Variants in PRKN observed in about 807,000 individuals in gnomAD.
The protein encoded by PRKN is E3 ubiquitin-protein ligase parkin.
In PRKN, 56 loss-of-function variants were observed where a neutral mutation model predicts 59.5. The ratio of observed to expected loss-of-function variants is 0.94; its 90% CI spans 0.76 to 1.18. The LOEUF is 1.18. PRKN is among the 50% of genes most tolerant of loss of function. PRKN has a pLI of 0.00. For missense variants in PRKN, 657 were observed against 596.4 expected, an observed-to-expected ratio of 1.10 and a Z score of -1.06; for synonymous variants, 250 against 222.1, an observed-to-expected ratio of 1.13 and a Z score of -1.12.
chr6:162,208,712 G>A (rs990934833), intron 3 of PRKN, among the ~76,000 whole-genome samples: 4 of 152,172 alleles, frequency 2.6e-5, no homozygotes, highest in African/African-American at 9.7e-5. Flanking sequence ...CACAGTTAAG[G>A]TGGTGCCAGG....
At chr6:161,586,980 G>A (rs1781544675) in intron 7 of PRKN, among the ~76,000 whole-genome samples, 2 of 152,152 alleles carry the variant, frequency 1.3e-5, no homozygotes, top group Admixed American at 6.5e-5. Flanking sequence ...AAATTTATAG[G>A]TGGGGTCAAT....
intron 2 of PRKN, among the ~76,000 whole-genome samples, chr6:162,275,791 AAAAAAACGAAATT>A (rs1352705124): frequency 1.3e-5 from 2 of 152,072 alleles, no homozygotes; most frequent in Non-Finnish European, 2.9e-5. Flanking sequence ...GTCTCAAAAA[AAAAAAACGAAATT>A]ACAGACACAC....
rs552009738 is a variant in PRKN, at chr6:161,990,620, A to G, written c.619-17203T>C. Among the ~76,000 whole-genome samples the G allele has an allele frequency of 1.2e-4, 18 of 152,220 alleles. 1 individual carries two copies. The highest frequency in any genetic ancestry group is 2.2e-4 in the Non-Finnish European group (15 of 68,046). On this transcript the variant is annotated intron_variant, in intron 5 of 11. Coordinates refer to ENST00000366898, the MANE Select transcript of PRKN (RefSeq NM_004562.3). ...ATTCAATGAATGAAATAAAAATACA[A>G]TTGAGGGCTTCAAAAAAAGATGAGA...
At chr6:162,718,141 T>G (rs1778797575) in intron 1 of PRKN, among the ~76,000 whole-genome samples, 1 of 152,158 alleles carries the variant, frequency 6.6e-6, no homozygotes, top group South Asian at 2.1e-4. Flanking sequence ...TATTAAGAAC[T>G]CACACATATT....
At chr6:162,452,505 T>C (rs963717574) in intron 1 of PRKN, among the ~76,000 whole-genome samples, 7 of 152,204 alleles carry the variant, frequency 4.6e-5, no homozygotes, top group Admixed American at 2.6e-4. Flanking sequence ...ATTTATTTTA[T>C]GAAGTGGAGC....
At chr6:162,639,941 A>G (rs1777897292) in intron 1 of PRKN, among the ~76,000 whole-genome samples, 1 of 152,064 alleles carries the variant, frequency 6.6e-6, no homozygotes, top group African/African-American at 2.4e-5. Context: ...CTCAGATTTG[A>G]TTTTTATTAT....
chr6:162,204,458 A>G (rs936779910), intron 3 of PRKN, among the ~76,000 whole-genome samples: 1 of 152,160 alleles, frequency 6.6e-6, no homozygotes, highest in Non-Finnish European at 1.5e-5. Context: ...ACTTCTCAGA[A>G]AAAAACAATT....
In PRKN at chr6:162,673,627, C is replaced by T. The variant is rs1210966046; in HGVS notation, c.7+54035G>A. Among the ~76,000 whole-genome samples, 3 of 152,262 alleles carry T rather than the reference C, an allele frequency of 2.0e-5. No individual in the cohort carries two copies. In the East Asian group the frequency reaches 5.8e-4, roughly 30 times the overall value. On this transcript the variant is annotated intron_variant, in intron 1 of 11. Transcript: ENST00000366898. ...TCTCCAACTCCTGAGTTCAAGCGAT[C>T]CACCCACCTCGGCCTCCTAAAGTGC...
In PRKN at chr6:161,395,907, C is replaced by CTGTTAATTT; in HGVS notation, c.1084-9031_1084-9030insAAATTAACA. ...AAAGGACTTGTAATGAATTTAAGCT[C>CTGTTAATTT]AGCGGCTTTAAACACAGACAGCCAA... On this transcript the variant is annotated intron_variant, in intron 9 of 11. Coordinates refer to ENST00000366898, the MANE Select transcript of PRKN (RefSeq NM_004562.3). This position sits in a 1 kb window ranked among gnomAD's most constrained non-coding sequence, Gnocchi z 5.0. Among the ~76,000 whole-genome samples, 13 of 152,216 alleles carry CTGTTAATTT rather than the reference C, an allele frequency of 8.5e-5. No individual in the cohort carries two copies. The highest frequency in any genetic ancestry group is 1.9e-4 in the Non-Finnish European group (13 of 68,044).
chr6:162,034,060 T>C (rs1395160585), intron 5 of PRKN, among the ~76,000 whole-genome samples: 1 of 151,810 alleles, frequency 6.6e-6, no homozygotes, highest in Non-Finnish European at 1.5e-5. Flanking sequence ...TGTTTGAAAG[T>C]TATGAAAAAT....
intron 1 of PRKN, among the ~76,000 whole-genome samples, chr6:162,560,186 G>C (rs1394646967): frequency 6.6e-6 from 1 of 152,148 alleles, no homozygotes; most frequent in African/African-American, 2.4e-5. Context: ...ATTTCATTAA[G>C]GTGATTTCAT....
chr6:162,658,969 T>C (rs1327694325), intron 1 of PRKN, among the ~76,000 whole-genome samples: 1 of 152,192 alleles, frequency 6.6e-6, no homozygotes, highest in East Asian at 1.9e-4. Context: ...TAATACATTC[T>C]ATCAATATAT....
intron 2 of PRKN, among the ~76,000 whole-genome samples, chr6:162,327,311 C>T (rs1421393373): frequency 6.6e-6 from 1 of 152,018 alleles, no homozygotes; most frequent in South Asian, 2.1e-4. Flanking sequence ...AGCATAAGTT[C>T]TTTTTTGCTT....
At chr6:161,821,335 A>G (rs1053629444) in intron 6 of PRKN, among the ~76,000 whole-genome samples, 2 of 152,086 alleles carry the variant, frequency 1.3e-5, no homozygotes, top group African/African-American at 4.8e-5. Flanking sequence ...ATATCGATCC[A>G]TCTTGGAGAT....
chr6:162,400,479 A>T (rs996245422), intron 2 of PRKN, among the ~76,000 whole-genome samples: 5 of 138,468 alleles, frequency 3.6e-5, no homozygotes, highest in African/African-American at 1.3e-4. Flanking sequence ...AAAAAAAAAA[A>T]GCTAAAATGA....
intron 5 of PRKN, among the ~76,000 whole-genome samples, chr6:161,980,381 G>A (rs1781214614): frequency 6.6e-6 from 1 of 152,166 alleles, no homozygotes; most frequent in South Asian, 2.1e-4. Context: ...AGGGTATAGG[G>A]TTTGTACTTA....
intron 5 of PRKN, among the ~76,000 whole-genome samples, chr6:161,987,013 T>G (rs747456212): frequency 2.0e-5 from 3 of 152,232 alleles, no homozygotes; most frequent in African/African-American, 7.2e-5. Context: ...TCAAAAGTCC[T>G]TGTTTCTTTA....
intron 3 of PRKN, among the ~76,000 whole-genome samples, chr6:162,242,795 C>T (rs991698968): frequency 6.6e-6 from 1 of 152,074 alleles, no homozygotes; most frequent in Non-Finnish European, 1.5e-5. Flanking sequence ...TTCTGGACTG[C>T]ATTTTCGCCT....
chr6:161,627,499 T>C (rs1287486942), intron 7 of PRKN, among the ~76,000 whole-genome samples: 1 of 152,216 alleles, frequency 6.6e-6, no homozygotes, highest in Non-Finnish European at 1.5e-5. Flanking sequence ...GCAAGTGTCA[T>C]CAAATGCTTT....
Sources: gnomAD v4.1 joint callset for allele counts (sites outside exome capture counted in the v4.1 genomes callset) on GRCh38, gnomAD v4.1.1 for gene constraint, Gnocchi (gnomAD v3.1) non-coding constraint, MANE v1.5 for transcripts, NCBI Gene and HGNC (gene_info 2026-07-23, HGNC 2026-07-21) for gene names.